Variants in SLC9A2 observed in about 807,000 individuals in gnomAD.
The protein encoded by SLC9A2 is solute carrier family 9 member A2.
In SLC9A2, 42 loss-of-function variants were observed where a neutral mutation model predicts 71.7. The ratio of observed to expected loss-of-function variants is 0.59; its 90% CI spans 0.46 to 0.76. The LOEUF is 0.76. Ranked by LOEUF, SLC9A2 falls within the 30% of genes least tolerant of loss-of-function variation. The pLI, the probability that SLC9A2 is intolerant of heterozygous loss-of-function variation, is 0.00. For missense variants in SLC9A2, 829 were observed against 1,017.4 expected (o/e 0.81, Z 2.52); for synonymous variants, 396 against 392.5 (o/e 1.01, Z -0.10).
At chr2:102,623,049 C>T (rs1300186930) in intron 1 of SLC9A2, among the ~76,000 whole-genome samples, 2 of 152,274 alleles carry the variant, frequency 1.3e-5, no homozygotes, top group African/African-American at 2.4e-5. Context: ...GTATTTGTCT[C>T]TCCACTAGCA....
At chr2:102,622,186 A>G (rs1676152984) in intron 1 of SLC9A2, among the ~76,000 whole-genome samples, 1 of 152,170 alleles carries the variant, frequency 6.6e-6, no homozygotes, top group South Asian at 2.1e-4. Context: ...AATTGCCTCT[A>G]ATAATAAACT....
intron 1 of SLC9A2, among the ~76,000 whole-genome samples, chr2:102,637,809 G>A (rs1676497056): frequency 6.6e-6 from 1 of 152,202 alleles, no homozygotes; most frequent in Admixed American, 6.5e-5. Flanking sequence ...TGGAATCTCT[G>A]CCTAAGTTGT....
At chr2:102,660,329 C>T (rs1007146517) in intron 2 of SLC9A2, among the ~76,000 whole-genome samples, 2 of 152,300 alleles carry the variant, frequency 1.3e-5, no homozygotes, top group African/African-American at 4.8e-5. Context: ...TGGCCAGAGC[C>T]TGTCAGTCAG....
At chr2:102,661,520 A>T (rs565702800) in intron 2 of SLC9A2, among the ~76,000 whole-genome samples, 2 of 151,592 alleles carry the variant, frequency 1.3e-5, no homozygotes, top group South Asian at 4.2e-4. Context: ...TTACCTGAAC[A>T]TTTTTTTTTC....
Position 102,619,858 on chromosome 2 carries a change from C to T in SLC9A2, c.10C>T (p.Leu4=). The change falls in exon 1 of 12, where the codon CTG becomes TTG. Residue 4 remains leucine (L), a synonymous_variant. Transcript: ENST00000233969. The surrounding 1 kb of genome is among the most constrained non-coding windows in gnomAD (Gnocchi z 4.3). The part of the protein sequence containing the change: MEP[L]GNWRSLRAPL... Reference sequence around the variant, plus strand: ...GCAACCGGCGGCACCCATGGAACCACTGGGCAACTGGAGGAGCCTGCGGGC... The same window carrying T: ...GCAACCGGCGGCACCCATGGAACCATTGGGCAACTGGAGGAGCCTGCGGGC... 1 of 1,527,446 alleles carries T rather than the reference C, an allele frequency of 6.5e-7. No individual in the cohort carries two copies. The highest frequency in any genetic ancestry group is 8.8e-7 in the Non-Finnish European group (1 of 1,135,928). 94.6% of individuals were successfully genotyped at this position (1,527,446 alleles called of 1,614,324 possible).
At chr2:102,704,020 G>A (rs540175916) in intron 9 of SLC9A2, among the ~76,000 whole-genome samples, 1 of 152,310 alleles carries the variant, frequency 6.6e-6, no homozygotes, top group East Asian at 1.9e-4. Context: ...ATGGTGGCTT[G>A]TATTTTATTT....
At chr2:102,630,581 T>C (rs891962210) in intron 1 of SLC9A2, among the ~76,000 whole-genome samples, 2 of 152,146 alleles carry the variant, frequency 1.3e-5, no homozygotes, top group Middle Eastern at 3.4e-3. Context: ...TCCATGCTTC[T>C]TAACAGCTCT....
chr2:102,631,520 T>C (rs958885687), intron 1 of SLC9A2, among the ~76,000 whole-genome samples: 4 of 152,060 alleles, frequency 2.6e-5, no homozygotes, highest in Admixed American at 2.6e-4. Context: ...GATTTCCTTA[T>C]TTTTTGCCTC....
intron 1 of SLC9A2, among the ~76,000 whole-genome samples, chr2:102,657,257 A>G (rs1173445439): frequency 6.6e-6 from 1 of 152,144 alleles, no homozygotes; most frequent in Non-Finnish European, 1.5e-5. Context: ...CCATTTCCAC[A>G]GTTCCAGCCC....
chr2:102,619,765 G>A lies in SLC9A2; in HGVS notation c.-84G>A, dbSNP rs1362218810. On this transcript the variant is annotated 5_prime_UTR_variant, in exon 1 of 12. Coordinates refer to ENST00000233969, the MANE Select transcript of SLC9A2 (RefSeq NM_003048.6). The surrounding 1 kb of genome is among the most constrained non-coding windows in gnomAD (Gnocchi z 4.3). The stretch of plus-strand genomic sequence containing the variant: ...GCCCTGCCCTGCACGGGGCAGGGCG[G>A]AGCGGGCTGAGCAGCCCGGGCGCGA... The A allele has an allele frequency of 1.5e-5, 19 of 1,300,524 alleles. No individual in the cohort carries two copies. Among genetic ancestry groups the A allele is most frequent in the Non-Finnish European group, 1.8e-5 (18 of 984,244 alleles). 80.6% of individuals were successfully genotyped at this position (1,300,524 alleles called of 1,614,324 possible).
intron 4 of SLC9A2, 144 bp from the exon 5 acceptor site, chr2:102,683,990 G>A: frequency 1.6e-6 from 1 of 641,800 alleles, no homozygotes; most frequent in Non-Finnish European, 2.7e-6. Context: ...GGTATTACTA[G>A]CAAGACAGAG....
rs1276133939 is a variant in SLC9A2 at position 102,709,645 on chromosome 2, T to G, written c.*1156T>G. ...GTCTGTAATTTGTTACCTCTCCCCA[T>G]TCGATAATATAGTAACTCAGAATTT... On this transcript the variant is annotated 3_prime_UTR_variant, in exon 12 of 12. Coordinates refer to ENST00000233969, the MANE Select transcript of SLC9A2 (RefSeq NM_003048.6). The G allele has an allele frequency of 2.0e-5, 3 of 152,770 alleles. No homozygotes were observed. 9.5% of individuals were successfully genotyped at this position (152,770 alleles called of 1,614,324 possible).
chr2:102,637,807 C>T (rs1302189727), intron 1 of SLC9A2, among the ~76,000 whole-genome samples: 3 of 152,210 alleles, frequency 2.0e-5, no homozygotes, highest in Non-Finnish European at 4.4e-5. Flanking sequence ...CATGGAATCT[C>T]TGCCTAAGTT....
At chr2:102,701,000 A>G (rs755584604) in intron 7 of SLC9A2, 70 bp from the exon 8 acceptor site, 114 of 1,123,770 alleles carry the variant, frequency 1.0e-4, no homozygotes, top group Non-Finnish European at 1.3e-4. Flanking sequence ...AAATGACTTC[A>G]TTGGTAAAAA....
In SLC9A2 at chr2:102,702,454, TGAAATTCGA is replaced by T; in HGVS notation, c.1801_1809del (p.Ile601_Glu603del). On this transcript the variant is annotated inframe_deletion, in exon 9 of 12. Transcript: ENST00000233969. ...GGAAGGTCACGTCCAGTGAAACTGA[TGAAATTCGA>T]GAACTCTTATCAAGAAATCTCTATC... is the stretch of plus-strand genomic sequence containing the variant. The T allele has an allele frequency of 6.2e-7, 1 of 1,604,438 alleles. No homozygotes were observed. Among genetic ancestry groups the T allele is most frequent in the Non-Finnish European group, 8.5e-7 (1 of 1,176,248 alleles).
At chr2:102,660,403 T>C (rs1677026741) in intron 2 of SLC9A2, among the ~76,000 whole-genome samples, 1 of 152,002 alleles carries the variant, frequency 6.6e-6, no homozygotes. Flanking sequence ...TGGCTGAGAG[T>C]CCATGGACTC....
intron 1 of SLC9A2, among the ~76,000 whole-genome samples, chr2:102,629,828 G>A (rs143531435): frequency 3.7e-4 from 57 of 152,202 alleles, no homozygotes; most frequent in African/African-American, 1.2e-3. Flanking sequence ...GTGGTTGTGT[G>A]ATTTTGAGTA....
chr2:102,667,046 G>T (rs1403129747), intron 3 of SLC9A2, among the ~76,000 whole-genome samples: 1 of 152,178 alleles, frequency 6.6e-6, no homozygotes, highest in African/African-American at 2.4e-5. Flanking sequence ...GGAAGTCGAA[G>T]ACCCCCTACA....
chr2:102,697,090 C>A (rs1035532532), intron 7 of SLC9A2, among the ~76,000 whole-genome samples: 1 of 152,156 alleles, frequency 6.6e-6, no homozygotes, highest in African/African-American at 2.4e-5. Context: ...TCCCTAGCAT[C>A]CCCTCAGTAC....
Sources: allele counts gnomAD v4.1 joint callset (sites outside exome capture counted in the v4.1 genomes callset), GRCh38; gene constraint gnomAD v4.1.1; non-coding constraint Gnocchi (gnomAD v3.1); transcripts MANE v1.5; gene names NCBI Gene and HGNC (gene_info 2026-07-23, HGNC 2026-07-21).